Variants in CST2 observed in about 807,000 individuals in gnomAD.
CST2 encodes the protein cystatin-SA.
CST2 carries 26 observed loss-of-function variants against 13.4 expected under a neutral mutation model. The ratio of observed to expected loss-of-function variants is 1.95; its 90% CI spans 1.43 to 2.70. CST2 has a LOEUF of 2.70. Ranked by LOEUF, CST2 falls within the 30% of genes most tolerant of loss-of-function variation. The pLI is 0.00. For missense variants in CST2, 243 were observed against 173.4 expected (o/e 1.40, Z -2.25); for synonymous variants, 105 against 71.1 (o/e 1.48, Z -2.40).
At chr20:23,826,341 T>G (rs2122137671) in intron 1 of CST2, 92 bp downstream of exon 1, 1 of 972,074 alleles carries the variant, frequency 1.0e-6, no homozygotes, top group East Asian at 2.4e-5. Flanking sequence ...AGATCATGAA[T>G]GTATCAGTGT....
At position 23,826,502 on chromosome 20, in the gene CST2, G is replaced by A. The variant is rs771645855; in HGVS notation, c.159C>T (p.Ser53=). 5.6e-6 allele frequency: 9 copies of A among 1,614,150 alleles called. No homozygotes were observed. The highest frequency in any genetic ancestry group is 1.6e-4 in the Middle Eastern group (1 of 6,062). Reference sequence around the variant, plus strand: ...CATCTTCAGTGGCCTTGTTATACTCGCTGATGACAAAGTGAAGGGCACGCT... The same window carrying A: ...CATCTTCAGTGGCCTTGTTATACTCACTGATGACAAAGTGAAGGGCACGCT... ...RVQRALHFVI[S]EYNKATEDEY... The change falls in exon 1 of 3, where the codon AGC becomes AGT. Residue 53 remains serine (S), a synonymous_variant. Coordinates refer to ENST00000304725, the MANE Select transcript of CST2 (RefSeq NM_001322.3).
At chr20:23,826,035 C>T (rs760046253) in intron 1 of CST2, among the ~76,000 whole-genome samples, 2 of 152,192 alleles carry the variant, frequency 1.3e-5, no homozygotes, top group Non-Finnish European at 1.5e-5. Context: ...GACTCAGCTG[C>T]CCTGGGCTGT....
At chr20:23,825,465 C>G (rs1984804052) in intron 1 of CST2, 142 bp from the exon 2 acceptor site, 1 of 804,330 alleles carries the variant, frequency 1.2e-6, no homozygotes, top group Non-Finnish European at 2.0e-6. Flanking sequence ...ACACAAGCCC[C>G]CTCTTCCTGT....
rs535776349 is a variant in CST2 at position 23,823,796 on chromosome 20, G to A, written c.*224C>T. On this transcript the variant is annotated 3_prime_UTR_variant, in exon 3 of 3. Coordinates refer to ENST00000304725, the MANE Select transcript of CST2 (RefSeq NM_001322.3). ...TGATGCTACTGTTTAATTGCAGGAG[G>A]TGGGGGTGTGTGTACCATGTACCAG... 6.1e-4 allele frequency: 345 copies of A among 562,558 alleles called. No individual in the cohort carries two copies. Among genetic ancestry groups the A allele is most frequent in the Admixed American group, 1.9e-3 (62 of 32,990 alleles). The allele number at this position is 562,558 out of a possible 1,614,324, so 34.8% of individuals were successfully genotyped here. A position where few individuals can be genotyped will look rare whatever the true frequency, so the allele number is the denominator to read the frequency against.
In CST2 at chr20:23,825,166, C is replaced by A. The variant is rs754762943; in HGVS notation, c.342+44G>T. 3.7e-6 allele frequency: 6 copies of A among 1,611,712 alleles called. No homozygotes were observed. The South Asian group carries it at 6.6e-5, about 18-fold the overall frequency. On this transcript the variant is annotated intron_variant, in intron 2 of 2. Transcript: ENST00000304725. ...GGCAGAGACTGACACATACGCACCC[C>A]TCTGCAGTGCATGACTGGCCTGGGA... is the stretch of plus-strand genomic sequence containing the variant.
In CST2 at chr20:23,825,271, C is replaced by T. The variant is rs765373006; in HGVS notation, c.281G>A (p.Cys94Tyr). ...FFDIEVGRTI[C>Y]TKSQPNLDTC... ...GTCCAAGTTGGGCTGGGACTTGGTA[C>T]ATATGGTTCGGCCCACCTCTATGTC... The change falls in exon 2 of 3, where the codon TGT becomes TAT. Residue 94 changes from cysteine to tyrosine, a missense_variant. Coordinates refer to ENST00000304725, the MANE Select transcript of CST2 (RefSeq NM_001322.3). The T allele has an allele frequency of 3.1e-6, 5 of 1,613,996 alleles. No individual in the cohort carries two copies. The highest frequency in any genetic ancestry group is 2.2e-5 in the East Asian group (1 of 44,874).
chr20:23,826,131 C>T (rs1984828044), intron 1 of CST2, among the ~76,000 whole-genome samples: 1 of 152,182 alleles, frequency 6.6e-6, no homozygotes, highest in Non-Finnish European at 1.5e-5. Flanking sequence ...TGAAGTAGGG[C>T]TCTGCAGAAC....
At position 23,823,973 on chromosome 20, in the gene CST2, A is replaced by G. The variant is rs572484041; in HGVS notation, c.*47T>C. ...CCAGTCCAGGGGTGGGAGCACTACA[A>G]GGGGTGGGAGTAGGAGGTGGTCAGT... On this transcript the variant is annotated 3_prime_UTR_variant, in exon 3 of 3. Coordinates refer to ENST00000304725, the MANE Select transcript of CST2 (RefSeq NM_001322.3). 171 of 1,599,892 alleles carry G rather than the reference A, an allele frequency of 1.1e-4. No homozygotes were observed. The highest frequency in any genetic ancestry group is 8.9e-4 in the Admixed American group (53 of 59,844).
chr20:23,825,231 A>C lies in CST2; in HGVS notation c.321T>G (p.His107Gln). The stretch of plus-strand genomic sequence containing the variant: ...GTACCTTCTGCAGTTCTGGCTGTTC[A>C]TGGAAGGCACAGGTGTCCAAGTTGG... ...SQPNLDTCAF[H>Q]EQPELQKKQL... is the part of the protein sequence containing the mutation. The change falls in exon 2 of 3, where the codon CAT becomes CAG. Residue 107 changes from histidine (H) to glutamine (Q), a missense_variant. Transcript: ENST00000304725. 6.2e-7 allele frequency: 1 copy of C among 1,614,150 alleles called. No individual in the cohort carries two copies. Among genetic ancestry groups the C allele is most frequent in the Non-Finnish European group, 8.5e-7 (1 of 1,180,006 alleles).
intron 1 of CST2, among the ~76,000 whole-genome samples, chr20:23,825,712 G>A (rs1045924007): frequency 4.6e-5 from 7 of 152,184 alleles, no homozygotes; most frequent in Admixed American, 2.0e-4. Context: ...GGAGGCAAGC[G>A]GGGACCATGG....
chr20:23,826,361 G>T, intron 1 of CST2, 72 bp downstream of exon 1: 2 of 1,209,834 alleles, frequency 1.7e-6, no homozygotes, highest in Non-Finnish European at 2.4e-6. Context: ...TTGATGTGCT[G>T]CGAATGCTCT....
rs369968693 is a variant in CST2, at chr20:23,826,416, G to C, written c.228+17C>G. ...AAGGCTGGGACTCAGGACCCCTCAGGTGGAGGCAGCACCCACCTGCTCCCT... is the reference window on the plus strand; with the variant it reads ...AAGGCTGGGACTCAGGACCCCTCAGCTGGAGGCAGCACCCACCTGCTCCCT... On this transcript the variant is annotated intron_variant, in intron 1 of 2. Transcript: ENST00000304725. 2.7e-5 allele frequency: 43 copies of C among 1,611,108 alleles called. No homozygotes were observed. In the African/African-American group the frequency reaches 4.5e-4, roughly 17 times the overall value.
At chr20:23,825,589 C>G (rs1017317794) in intron 1 of CST2, among the ~76,000 whole-genome samples, 1 of 152,222 alleles carries the variant, frequency 6.6e-6, no homozygotes, top group Non-Finnish European at 1.5e-5. Context: ...GGAACACTGA[C>G]TCTTTTTACC....
rs752174232 is a variant in CST2 at position 23,824,083 on chromosome 20, C to T, written c.363G>A (p.Gln121=). 1.1e-5 allele frequency: 17 copies of T among 1,614,050 alleles called. No homozygotes were observed. The South Asian group carries it at 1.9e-4, about 18-fold the overall frequency. ...ELQKKQLCSF[Q]IYEVPWEDRM... ...TGTCCTCCCAGGGAACTTCGTAGAT[C>T]TGGAAAGAGCACAACTGTTTCTGTG... Residue 121 remains glutamine, a synonymous_variant, in exon 3 of 3, where the codon CAG becomes CAA. Coordinates refer to ENST00000304725, the MANE Select transcript of CST2 (RefSeq NM_001322.3).
At chr20:23,825,930 T>A (rs759199306) in intron 1 of CST2, among the ~76,000 whole-genome samples, 1 of 152,222 alleles carries the variant, frequency 6.6e-6, no homozygotes, top group Non-Finnish European at 1.5e-5. Context: ...TGACACCTCC[T>A]CCTCTCTACT....
Position 23,823,962 on chromosome 20 carries a change from G to A in CST2, c.*58C>T. ...GGTGGGGGCCACCAGTCCAGGGGTG[G>A]GAGCACTACAAGGGGTGGGAGTAGG... On this transcript the variant is annotated 3_prime_UTR_variant, in exon 3 of 3. Coordinates refer to ENST00000304725, the MANE Select transcript of CST2 (RefSeq NM_001322.3). 1.3e-6 allele frequency: 2 copies of A among 1,583,830 alleles called. No homozygotes were observed. The highest frequency in any genetic ancestry group is 1.3e-5 in the African/African-American group (1 of 74,406).
chr20:23,825,680 T>C (rs1342597441), intron 1 of CST2, among the ~76,000 whole-genome samples: 1 of 152,212 alleles, frequency 6.6e-6, no homozygotes, highest in Admixed American at 6.5e-5. Flanking sequence ...CTCCAAGTTA[T>C]TGTCATGCTT....
At position 23,823,933 on chromosome 20, in the gene CST2, A is replaced by G. The variant is rs556699202; in HGVS notation, c.*87T>C. The G allele has an allele frequency of 1.4e-4, 186 of 1,321,156 alleles. 1 individual carries two copies. Among genetic ancestry groups the G allele is most frequent in the East Asian group, 8.3e-4 (30 of 36,060 alleles). The allele number at this position is 1,321,156 out of a possible 1,614,324, so 81.8% of individuals were successfully genotyped here. The stretch of plus-strand genomic sequence containing the variant: ...CTGCAGGTGCATGGGGAGACCTCCC[A>G]CAGGGTGGGGGCCACCAGTCCAGGG... On this transcript the variant is annotated 3_prime_UTR_variant, in exon 3 of 3. Coordinates refer to ENST00000304725, the MANE Select transcript of CST2 (RefSeq NM_001322.3).
chr20:23,823,957 G>C lies in CST2; in HGVS notation c.*63C>G, dbSNP rs1984744179. ...CACAGGGTGGGGGCCACCAGTCCAG[G>C]GGTGGGAGCACTACAAGGGGTGGGA... On this transcript the variant is annotated 3_prime_UTR_variant, in exon 3 of 3. Transcript: ENST00000304725. The C allele has an allele frequency of 1.9e-6, 3 of 1,570,584 alleles. No homozygotes were observed. The African/African-American group carries it at 4.0e-5, about 21-fold the overall frequency.
Sources: gnomAD v4.1 joint callset for allele counts (sites outside exome capture counted in the v4.1 genomes callset) on GRCh38, gnomAD v4.1.1 for gene constraint, MANE v1.5 for transcripts, NCBI Gene and HGNC (gene_info 2026-07-23, HGNC 2026-07-21) for gene names.